Variants in APBB1IP observed in about 807,000 individuals in gnomAD.
APBB1IP encodes the protein amyloid beta A4 precursor protein-binding family B member 1-interacting protein.
Under a neutral mutation model 64.9 loss-of-function variants are expected in APBB1IP, and 27 were observed. That is an observed-to-expected ratio of 0.42 (90% CI 0.31 to 0.57). APBB1IP has a LOEUF of 0.57. Among genes scored for constraint, APBB1IP ranks in the 20% least tolerant of loss-of-function variants. APBB1IP has a pLI of 0.20. For synonymous variants in APBB1IP, 392 were observed against 331.0 expected, an observed-to-expected ratio of 1.18 and a Z score of -2.00; for missense variants, 812 against 845.5, an observed-to-expected ratio of 0.96 and a Z score of 0.49.
chr10:26,505,811 G>A (rs991130730), intron 6 of APBB1IP, among the ~76,000 whole-genome samples: 1 of 151,410 alleles, frequency 6.6e-6, no homozygotes, highest in African/African-American at 2.4e-5. Context: ...TTCTGCCGAG[G>A]GCCAGACTCT....
At position 26,564,950 on chromosome 10, in the gene APBB1IP, G is replaced by T. The variant is rs906853391; in HGVS notation, c.1474-2011G>T. ...GCCAGCTGGAGCCAAGCTTGTAATC[G>T]GCTCCTCCCTAGAAGCCCACAGTCC... On this transcript the variant is annotated intron_variant, in intron 14 of 14. Coordinates refer to ENST00000376236, the MANE Select transcript of APBB1IP (RefSeq NM_019043.4). Among the ~76,000 whole-genome samples, 7 of 152,064 alleles carry T rather than the reference G, an allele frequency of 4.6e-5. 1 individual carries two copies. The highest frequency in any genetic ancestry group is 4.6e-4 in the Admixed American group (7 of 15,272).
intron 6 of APBB1IP, among the ~76,000 whole-genome samples, chr10:26,510,716 A>G (rs1450552635): frequency 6.7e-6 from 1 of 148,380 alleles, no homozygotes; most frequent in Non-Finnish European, 1.5e-5. Context: ...AGCCTAGGCA[A>G]CAGAGCAAGA....
chr10:26,567,148 T>TGCC lies in APBB1IP; in HGVS notation c.1671_1673dup (p.Pro562dup), dbSNP rs1564381256. On this transcript the variant is annotated inframe_insertion, in exon 15 of 15. Coordinates refer to ENST00000376236, the MANE Select transcript of APBB1IP (RefSeq NM_019043.4). The stretch of plus-strand genomic sequence containing the variant: ...TTGCCCGCCCCACCCGACGACTTCC[T>TGCC]GCCGCCGCCGCCACCGCCGCCGCCC... 2 of 1,414,992 alleles carry TGCC rather than the reference T, an allele frequency of 1.4e-6. No homozygotes were observed. The highest frequency in any genetic ancestry group is 1.8e-6 in the Non-Finnish European group (2 of 1,093,666). 87.7% of individuals were successfully genotyped at this position (1,414,992 alleles called of 1,614,324 possible).
chr10:26,472,076 C>T (rs781127277), intron 2 of APBB1IP, among the ~76,000 whole-genome samples: 12 of 151,996 alleles, frequency 7.9e-5, no homozygotes, highest in African/African-American at 1.9e-4. Flanking sequence ...AGATGCAGAA[C>T]GTTGACCAAG....
intron 8 of APBB1IP, among the ~76,000 whole-genome samples, chr10:26,515,088 G>A (rs568642824): frequency 4.4e-4 from 61 of 138,808 alleles, no homozygotes; most frequent in Non-Finnish European, 6.6e-4. Context: ...TCACCGTGTT[G>A]GCCAGGGTGA....
At chr10:26,528,558 C>T (rs554325070) in intron 8 of APBB1IP, among the ~76,000 whole-genome samples, 1 of 152,114 alleles carries the variant, frequency 6.6e-6, no homozygotes, top group East Asian at 1.9e-4. Flanking sequence ...TATATCTTCC[C>T]CATTGACAGA....
chr10:26,469,986 C>G (rs1411461591), intron 2 of APBB1IP, among the ~76,000 whole-genome samples: 1 of 152,150 alleles, frequency 6.6e-6, no homozygotes, highest in Non-Finnish European at 1.5e-5. Context: ...CAACCCCAAC[C>G]AACTACAACA....
intron 11 of APBB1IP, among the ~76,000 whole-genome samples, chr10:26,557,033 T>C (rs192434700): frequency 4.6e-5 from 7 of 152,338 alleles, no homozygotes; most frequent in African/African-American, 1.7e-4. Context: ...TTGGCTTTAG[T>C]ATATTTTTCA....
chr10:26,445,282 T>C (rs1473225313), intron 2 of APBB1IP, among the ~76,000 whole-genome samples: 1 of 152,196 alleles, frequency 6.6e-6, no homozygotes, highest in Admixed American at 6.5e-5. Flanking sequence ...AAAATCTTTA[T>C]TAGGTAGCTA....
Position 26,567,581 on chromosome 10 carries a change from A to C in APBB1IP, c.*93A>C. ...ATTGCCCTGACATCTTGTTCATTTC[A>C]GATAAAATGTGATGGGAAACTTCTC... On this transcript the variant is annotated 3_prime_UTR_variant, in exon 15 of 15. Coordinates refer to ENST00000376236, the MANE Select transcript of APBB1IP (RefSeq NM_019043.4). 1 of 1,463,556 alleles carries C rather than the reference A, an allele frequency of 6.8e-7. No homozygotes were observed. Among genetic ancestry groups the C allele is most frequent in the Middle Eastern group, 1.9e-4 (1 of 5,356 alleles). The allele number at this position is 1,463,556 out of a possible 1,614,324, so 90.7% of individuals were successfully genotyped here.
At position 26,534,487 on chromosome 10, in the gene APBB1IP, A is replaced by C. The variant is rs1836594877; in HGVS notation, c.900+962A>C. 2.0e-5 allele frequency among the ~76,000 whole-genome samples: 3 copies of C among 152,182 alleles called. No homozygotes were observed. The South Asian group carries it at 6.2e-4, about 32-fold the overall frequency. ...GTAAATTTTGGACCTCCCTTGAAAA[A>C]TCAGAAGACCTGGTGATGCCCTCGG... On this transcript the variant is annotated intron_variant, in intron 9 of 14. Transcript: ENST00000376236.
intron 8 of APBB1IP, among the ~76,000 whole-genome samples, chr10:26,515,171 G>A (rs558976296): frequency 6.6e-6 from 1 of 151,948 alleles, no homozygotes; most frequent in African/African-American, 2.4e-5. Flanking sequence ...GTGAGCCACT[G>A]CACCCAGCCC....
chr10:26,515,114 C>T (rs891861047), intron 8 of APBB1IP, among the ~76,000 whole-genome samples: 1 of 151,344 alleles, frequency 6.6e-6, no homozygotes, highest in East Asian at 1.9e-4. Flanking sequence ...ATCTCCTGAC[C>T]TCGTGATCCG....
intron 12 of APBB1IP, 56 bp from the exon 13 acceptor site, chr10:26,560,674 T>G: frequency 8.0e-7 from 1 of 1,255,674 alleles, no homozygotes; most frequent in Non-Finnish European, 1.1e-6. Flanking sequence ...TGCAATTGAG[T>G]GCAGAATTTG....
chr10:26,457,082 A>AGG (rs1411575006), intron 2 of APBB1IP, among the ~76,000 whole-genome samples: 1 of 152,124 alleles, frequency 6.6e-6, no homozygotes, highest in African/African-American at 2.4e-5. Flanking sequence ...TTAGCAAGAG[A>AGG]GGGATACTAT....
intron 8 of APBB1IP, among the ~76,000 whole-genome samples, chr10:26,519,549 A>T (rs780849157): frequency 6.6e-6 from 1 of 152,182 alleles, no homozygotes; most frequent in African/African-American, 2.4e-5. Context: ...AAACTGTTAG[A>T]AATTGCCTCC....
chr10:26,496,202 G>A, intron 3 of APBB1IP, 102 bp from the exon 4 acceptor site: 1 of 860,026 alleles, frequency 1.2e-6, no homozygotes, highest in Non-Finnish European at 1.9e-6. Context: ...CACTAAGGGA[G>A]AAAATGTGTA....
intron 8 of APBB1IP, among the ~76,000 whole-genome samples, chr10:26,518,964 G>A (rs1836367229): frequency 6.6e-6 from 1 of 151,982 alleles, no homozygotes; most frequent in Non-Finnish European, 1.5e-5. Flanking sequence ...TACTTGTATT[G>A]GGCCATTCTC....
chr10:26,560,391 C>T (rs1368490205), intron 12 of APBB1IP, among the ~76,000 whole-genome samples, 188 bp downstream of exon 12: 1 of 152,076 alleles, frequency 6.6e-6, no homozygotes, highest in Non-Finnish European at 1.5e-5. Context: ...TCTCCAGTAA[C>T]CGGATATTTA....
Sources: gnomAD v4.1 joint callset for allele counts (sites outside exome capture counted in the v4.1 genomes callset) on GRCh38, gnomAD v4.1.1 for gene constraint, MANE v1.5 for transcripts, NCBI Gene and HGNC (gene_info 2026-07-23, HGNC 2026-07-21) for gene names.